Variants in CC2D1B observed in about 807,000 individuals in gnomAD.
The protein encoded by CC2D1B is coiled-coil and C2 domain-containing protein 1B.
CC2D1B carries 92 observed loss-of-function variants against 110.8 expected under a neutral mutation model. That is an observed-to-expected ratio of 0.83 (90% confidence interval 0.70 to 0.99). CC2D1B has a LOEUF of 0.99. CC2D1B is among the 50% of genes least tolerant of loss of function. The pLI is 0.00. For missense variants in CC2D1B, 1,136 were observed against 1,089.0 expected (o/e 1.04, Z -0.61); for synonymous variants, 406 against 429.2 (o/e 0.95, Z 0.67).
intron 1 of CC2D1B, 71 bp downstream of exon 1, chr1:52,365,998 G>C (rs1646873597): frequency 1.3e-5 from 2 of 152,376 alleles, no homozygotes; most frequent in Non-Finnish European, 2.9e-5. Flanking sequence ...GCCCTGCCCC[G>C]CCCGCGCCGC....
chr1:52,362,518 C>T (rs932807181), intron 3 of CC2D1B, 84 bp downstream of exon 3: 103 of 1,518,346 alleles, frequency 6.8e-5, no homozygotes, highest in Non-Finnish European at 8.7e-5. Flanking sequence ...TGGCTGGCTC[C>T]GTCCAGCTGC....
intron 15 of CC2D1B, 63 bp downstream of exon 15, chr1:52,357,463 G>A: frequency 1.3e-6 from 2 of 1,503,444 alleles, no homozygotes; most frequent in Non-Finnish European, 1.8e-6. Context: ...TTCACAGCCT[G>A]TCAAGCCTGC....
intron 1 of CC2D1B, among the ~76,000 whole-genome samples, chr1:52,365,598 A>T (rs970423328): frequency 6.6e-6 from 1 of 152,230 alleles, no homozygotes; most frequent in African/African-American, 2.4e-5. Context: ...AAAACCTCTA[A>T]GCCGAAAAGC....
At chr1:52,358,940 C>G (rs188175090) in intron 11 of CC2D1B, 87 bp downstream of exon 11, 1 of 1,556,048 alleles carries the variant, frequency 6.4e-7, no homozygotes, top group African/African-American at 1.4e-5. Context: ...TCAGAAAAGA[C>G]AAGGACTAGC....
At chr1:52,363,171 G>A (rs1442075681) in intron 2 of CC2D1B, among the ~76,000 whole-genome samples, 2 of 151,896 alleles carry the variant, frequency 1.3e-5, no homozygotes, top group Admixed American at 1.3e-4. Context: ...GAGGCGGGTG[G>A]ATCACGAGGT....
intron 1 of CC2D1B, among the ~76,000 whole-genome samples, chr1:52,365,440 T>G (rs540703705): frequency 6.6e-6 from 1 of 152,174 alleles, no homozygotes; most frequent in East Asian, 1.9e-4. Flanking sequence ...GGAAATAGGA[T>G]TCCAAGACGA....
intron 5 of CC2D1B, 121 bp from the exon 6 acceptor site, chr1:52,360,670 A>G: frequency 1.3e-5 from 19 of 1,420,674 alleles, no homozygotes; most frequent in Non-Finnish European, 1.8e-5. Flanking sequence ...AAGAGCCTAA[A>G]AGCCTTAAGG....
chr1:52,354,971 T>C lies in CC2D1B; in HGVS notation c.2240-32A>G, dbSNP rs72899806. The C allele has an allele frequency of 8.2e-4, 1,287 of 1,563,060 alleles. 12 individuals carry two copies. The African/African-American group carries it at 0.015, about 18-fold the overall frequency. On this transcript the variant is annotated intron_variant, in intron 21 of 24. Transcript: ENST00000284376. The stretch of plus-strand genomic sequence containing the variant: ...AAGGGGGAGAAAGCAAGGAGGGGCT[T>C]GGCTCTCGGGATTTCCTGAGGAAGT...
At chr1:52,353,391 C>T in intron 24 of CC2D1B, 127 bp downstream of exon 24, 1 of 1,521,140 alleles carries the variant, frequency 6.6e-7, no homozygotes, top group African/African-American at 1.4e-5. Flanking sequence ...GCCCATAAGC[C>T]CTACCCAGCA....
At chr1:52,356,540 T>C in intron 16 of CC2D1B, 98 bp from the exon 17 acceptor site, 1 of 1,266,816 alleles carries the variant, frequency 7.9e-7, no homozygotes, top group Non-Finnish European at 1.1e-6. Context: ...CTTTCCTCTG[T>C]AGCCTCACCT....
chr1:52,360,287 G>A (rs1646750670), intron 6 of CC2D1B, 54 bp from the exon 7 acceptor site: 1 of 1,607,706 alleles, frequency 6.2e-7, no homozygotes, highest in South Asian at 1.1e-5. Flanking sequence ...CCCAGACCCT[G>A]CTCCAAGACA....
rs1282685459 is a variant in CC2D1B at position 52,355,439 on chromosome 1, T to A, written c.2198A>T (p.Gln733Leu). ...CTTCACCACAGCTGTTTTGCTTTTT[T>A]GAGCCTGGTCCTAAGCAGTGAGGAG... ...EFHYPNSDQA[Q>L]KSKTAVVKNT... Residue 733 changes from glutamine to leucine, a missense_variant, in exon 21 of 25, where the codon CAA becomes CTA. Gln to Leu is a moderately radical substitution (Grantham distance 113, BLOSUM62 -2). Coordinates refer to ENST00000284376, the MANE Select transcript of CC2D1B (RefSeq NM_001330585.2). 1.2e-6 allele frequency: 2 copies of A among 1,614,170 alleles called. No individual in the cohort carries two copies. The highest frequency in any genetic ancestry group is 3.3e-5 in the Admixed American group (2 of 60,024).
chr1:52,361,615 G>A lies in CC2D1B; in HGVS notation c.216C>T (p.Ala72=), dbSNP rs773184303. ...TCTCGATGTGGGCCATGGGCAGGGG[G>A]GCTGGGGGAAAAAGGTCACAACAAG... ...TGKKPAPKGQ[A]PLPMAHIEKL... The change falls in exon 4 of 25, where the codon GCC becomes GCT. Residue 72 remains alanine, a splice_region_variant and synonymous_variant. Coordinates refer to ENST00000284376, the MANE Select transcript of CC2D1B (RefSeq NM_001330585.2). 1.9e-6 allele frequency: 3 copies of A among 1,613,682 alleles called. No homozygotes were observed. The highest frequency in any genetic ancestry group is 2.5e-6 in the Non-Finnish European group (3 of 1,180,000).
intron 12 of CC2D1B, 92 bp downstream of exon 12, chr1:52,358,594 C>T (rs1227211658): frequency 8.9e-6 from 14 of 1,566,552 alleles, no homozygotes; most frequent in Admixed American, 1.7e-5. Context: ...GGGAGGCAGA[C>T]GCATGAGAAG....
rs1005254828 is a variant in CC2D1B at position 52,352,343 on chromosome 1, G to C, written c.*882C>G. On this transcript the variant is annotated 3_prime_UTR_variant, in exon 25 of 25. Coordinates refer to ENST00000284376, the MANE Select transcript of CC2D1B (RefSeq NM_001330585.2). ...AGTTCCCCACATAACCAGCCGAAGAGGAAAGGCTTTCCCTGTCCTCTCTCA... is the reference window on the plus strand; with the variant it reads ...AGTTCCCCACATAACCAGCCGAAGACGAAAGGCTTTCCCTGTCCTCTCTCA... The C allele has an allele frequency of 3.9e-5, 6 of 152,600 alleles. No homozygotes were observed. Among genetic ancestry groups the C allele is most frequent in the African/African-American group, 1.4e-4 (6 of 41,448 alleles). The allele number at this position is 152,600 out of a possible 1,614,324, so 9.5% of individuals were successfully genotyped here.
At chr1:52,364,693 T>G in intron 1 of CC2D1B, 59 bp from the exon 2 acceptor site, 1 of 1,147,394 alleles carries the variant, frequency 8.7e-7, no homozygotes, top group East Asian at 2.4e-5. Context: ...CCCCCAACAG[T>G]GCTACCCGTG....
rs370266069 is a variant in CC2D1B at position 52,364,564 on chromosome 1, G to A, written c.57C>T (p.Ala19=). The A allele has an allele frequency of 2.0e-5, 32 of 1,601,624 alleles. No individual in the cohort carries two copies. The highest frequency in any genetic ancestry group is 5.5e-5 in the South Asian group (5 of 90,314). ...CTAAGTTCCATACCTGCTTGGCAGC[G>A]GCCACCCCTTGGCCTCTGGCCTGAG... is the stretch of plus-strand genomic sequence containing the variant. The part of the protein sequence containing the change: ...KGPQARGQGV[A]AAKQMGLFME... The change falls in exon 2 of 25, where the codon GCC becomes GCT. Residue 19 remains alanine (A), a synonymous_variant. Transcript: ENST00000284376.
At chr1:52,353,453 G>C (rs1171349109) in intron 24 of CC2D1B, 65 bp downstream of exon 24, 2 of 1,551,240 alleles carry the variant, frequency 1.3e-6, no homozygotes, top group Non-Finnish European at 1.7e-6. Flanking sequence ...CTCCAGATAT[G>C]AGTTGAGTAG....
At chr1:52,364,778 C>G (rs937680355) in intron 1 of CC2D1B, 144 bp from the exon 2 acceptor site, 28 of 506,938 alleles carry the variant, frequency 5.5e-5, no homozygotes, top group Non-Finnish European at 7.2e-6. Flanking sequence ...AATTAAAGCA[C>G]TGAAGCAGCA....
Sources: gnomAD v4.1 joint callset for allele counts (sites outside exome capture counted in the v4.1 genomes callset) on GRCh38, gnomAD v4.1.1 for gene constraint, MANE v1.5 for transcripts, NCBI Gene and HGNC (gene_info 2026-07-23, HGNC 2026-07-21) for gene names.